Variants in GCC2 observed in about 807,000 individuals in gnomAD.
GCC2 encodes the protein GRIP and coiled-coil domain-containing protein 2.
A neutral mutation model predicts 210.6 loss-of-function variants in GCC2; 120 were observed. The ratio of observed to expected loss-of-function variants is 0.57; its 90% CI spans 0.49 to 0.66. The LOEUF (loss-of-function observed/expected upper bound fraction) is 0.66, where lower values mean the gene tolerates loss of function less well. GCC2 is among the 30% of genes least tolerant of loss of function. The pLI, the probability that GCC2 is intolerant of heterozygous loss-of-function variation, is 0.00. For synonymous variants in GCC2, 703 were observed against 652.7 expected (o/e 1.08, Z -1.17); for missense variants, 1,868 against 1,871.9 (o/e 1.00, Z 0.04).
chr2:108,467,757 T>C (rs1016639587), intron 4 of GCC2, among the ~76,000 whole-genome samples: 2 of 152,334 alleles, frequency 1.3e-5, no homozygotes, highest in Middle Eastern at 3.4e-3. Context: ...AGTTGGATAT[T>C]GGTTTAAAGT....
intron 4 of GCC2, chr2:108,462,794 C>G (rs1464364469): frequency 1.3e-5 from 2 of 151,784 alleles, no homozygotes; most frequent in African/African-American, 4.8e-5. Flanking sequence ...AACTCATGAC[C>G]TCAGATGATC....
chr2:108,467,236 T>TA (rs1680948998), intron 4 of GCC2, among the ~76,000 whole-genome samples: 1 of 152,238 alleles, frequency 6.6e-6, no homozygotes, highest in Admixed American at 6.5e-5. Context: ...CATCTTTTGG[T>TA]AAAGTTTTTC....
chr2:108,460,769 T>G (rs1048888861), intron 4 of GCC2, among the ~76,000 whole-genome samples: 1 of 152,198 alleles, frequency 6.6e-6, no homozygotes, highest in African/African-American at 2.4e-5. Context: ...AATTGTAATC[T>G]TCAGTGTTGG....
intron 18 of GCC2, among the ~76,000 whole-genome samples, chr2:108,492,086 C>T (rs1682428383): frequency 1.3e-5 from 2 of 150,190 alleles, no homozygotes; most frequent in South Asian, 4.2e-4. Context: ...TGTTAATCAA[C>T]TCAAAAATGG....
At chr2:108,484,524 G>T in intron 13 of GCC2, 1 of 273,916 alleles carries the variant, frequency 3.7e-6, no homozygotes, top group Non-Finnish European at 7.1e-6. Flanking sequence ...GTAATGCCTA[G>T]GTCTTCTTCT....
In GCC2 at chr2:108,485,631, G is replaced by C. The variant is rs749432214; in HGVS notation, c.3614-5G>C. The C allele has an allele frequency of 7.0e-7, 1 of 1,428,350 alleles. No homozygotes were observed. The highest frequency in any genetic ancestry group is 1.4e-5 in the South Asian group (1 of 73,856). 88.5% of individuals were successfully genotyped at this position (1,428,350 alleles called of 1,614,324 possible). A position where few individuals can be genotyped will look rare whatever the true frequency, so the allele number is the denominator to read the frequency against. On this transcript the variant is annotated splice_region_variant and splice_polypyrimidine_tract_variant and intron_variant, in intron 13 of 22. Transcript: ENST00000309863. Reference sequence around the variant, plus strand: ...TTTTTCTGCTGAAATTATTTCTTGTGCTAGCTTCATTACAGTCTTCAGTAC... The same window carrying C: ...TTTTTCTGCTGAAATTATTTCTTGTCCTAGCTTCATTACAGTCTTCAGTAC...
At chr2:108,504,531 T>A (rs1239025312) in intron 22 of GCC2, among the ~76,000 whole-genome samples, 1 of 152,154 alleles carries the variant, frequency 6.6e-6, no homozygotes, top group Non-Finnish European at 1.5e-5. Context: ...CAATGTCAAA[T>A]AGACACTGGT....
At chr2:108,485,807 T>G (rs772519472) in intron 14 of GCC2, 24 bp from the exon 15 acceptor site, 3 of 1,504,940 alleles carry the variant, frequency 2.0e-6, no homozygotes, top group Non-Finnish European at 2.7e-6. Context: ...TAAAAAAAAT[T>G]TAACCAAGAT....
intron 4 of GCC2, among the ~76,000 whole-genome samples, chr2:108,453,353 T>C (rs1428343738): frequency 6.6e-6 from 1 of 152,246 alleles, no homozygotes; most frequent in African/African-American, 2.4e-5. Context: ...CTTTTTTCTC[T>C]CTATTTCTAT....
At position 108,470,580 on chromosome 2, in the gene GCC2, T is replaced by C. The variant is rs1237083074; in HGVS notation, c.1251T>C (p.Tyr417=). The change falls in exon 6 of 23, where the codon TAT becomes TAC. Residue 417 remains tyrosine (Y), a synonymous_variant. Transcript: ENST00000309863. ...CAGGTTTAAATAAACAGTTTTGCTA[T>C]ACTGTAGAACAGCATAACAGAGAAG... ...ELAGLNKQFC[Y]TVEQHNREVQ... The C allele has an allele frequency of 1.4e-5, 22 of 1,608,964 alleles. No individual in the cohort carries two copies. The highest frequency in any genetic ancestry group is 3.3e-4 in the Middle Eastern group (2 of 6,026).
At chr2:108,487,084 G>A (rs1366160738) in intron 16 of GCC2, among the ~76,000 whole-genome samples, 21 of 152,158 alleles carry the variant, frequency 1.4e-4, no homozygotes, top group Non-Finnish European at 1.2e-4. Context: ...CAACACTGTT[G>A]TGGGAGTTTA....
intron 4 of GCC2, among the ~76,000 whole-genome samples, chr2:108,456,768 T>C (rs200866060): frequency 1.6e-5 from 1 of 62,638 alleles, no homozygotes; most frequent in Non-Finnish European, 4.2e-5. Context: ...CTGAGAAACA[T>C]AGCAAGATCC....
intron 4 of GCC2, among the ~76,000 whole-genome samples, chr2:108,462,076 A>G (rs1680618869): frequency 6.9e-6 from 1 of 144,050 alleles, no homozygotes; most frequent in African/African-American, 2.5e-5. Context: ...TGACCTCGTG[A>G]TCCGCCCGCC....
intron 22 of GCC2, among the ~76,000 whole-genome samples, chr2:108,505,336 T>C (rs1007628995): frequency 4.6e-5 from 7 of 152,328 alleles, no homozygotes; most frequent in African/African-American, 1.7e-4. Context: ...CTAAGCAATA[T>C]CGCTTCCTCC....
At chr2:108,455,533 G>A (rs1050282460) in intron 4 of GCC2, among the ~76,000 whole-genome samples, 2 of 150,118 alleles carry the variant, frequency 1.3e-5, no homozygotes, top group African/African-American at 4.9e-5. Context: ...ATATTTATAC[G>A]TATTCATGGG....
At chr2:108,478,576 G>A (rs751147568) in intron 9 of GCC2, among the ~76,000 whole-genome samples, 5 of 152,196 alleles carry the variant, frequency 3.3e-5, no homozygotes, top group Non-Finnish European at 5.9e-5. Context: ...GTTTAGAAGC[G>A]TCTACCCTAC....
chr2:108,450,844 T>G (rs377585182), intron 2 of GCC2, among the ~76,000 whole-genome samples, 184 bp from the exon 3 acceptor site: 13 of 152,282 alleles, frequency 8.5e-5, no homozygotes, highest in African/African-American at 2.9e-4. Context: ...GATCGTGTCA[T>G]GCACTCCGGC....
Position 108,484,135 on chromosome 2 carries a change from T to G in GCC2, c.3451-14T>G. 6.5e-7 allele frequency: 1 copy of G among 1,548,156 alleles called. No homozygotes were observed. Among genetic ancestry groups the G allele is most frequent in the Non-Finnish European group, 8.7e-7 (1 of 1,150,490 alleles). On this transcript the variant is annotated splice_polypyrimidine_tract_variant and intron_variant, in intron 12 of 22. Coordinates refer to ENST00000309863, the MANE Select transcript of GCC2 (RefSeq NM_181453.4). Reference sequence around the variant, plus strand: ...TCTACTATTGTGTAAATCTTTTACTTATAAAATGTGCAGGATGCCCAACAA... The same window carrying G: ...TCTACTATTGTGTAAATCTTTTACTGATAAAATGTGCAGGATGCCCAACAA...
At chr2:108,472,226 A>G in intron 6 of GCC2, 110 bp downstream of exon 6, 1 of 704,754 alleles carries the variant, frequency 1.4e-6, no homozygotes, top group Non-Finnish European at 2.1e-6. Context: ...TTTACCATTT[A>G]AGCCCAAGTG....
Sources: allele counts gnomAD v4.1 joint callset (sites outside exome capture counted in the v4.1 genomes callset), GRCh38; gene constraint gnomAD v4.1.1; transcripts MANE v1.5; gene names NCBI Gene and HGNC (gene_info 2026-07-23, HGNC 2026-07-21).